The following PRMT6 variants were observed in gnomAD, a reference collection of about 807,000 sequenced individuals.
The protein encoded by PRMT6 is protein arginine N-methyltransferase 6.
PRMT6 carries 23 observed loss-of-function variants against 30.5 expected under a neutral mutation model. The ratio of observed to expected loss-of-function variants is 0.75; its 90% CI spans 0.54 to 1.07. The LOEUF is 1.07. Ranked by LOEUF, PRMT6 falls within the 50% of genes least tolerant of loss-of-function variation. The pLI, the probability that PRMT6 is intolerant of heterozygous loss-of-function variation, is 0.00. For synonymous variants in PRMT6, 265 were observed against 228.0 expected (o/e 1.16, Z -1.46); for missense variants, 528 against 514.3 (o/e 1.03, Z -0.26).
In PRMT6 at chr1:107,057,639, C is replaced by T. The variant is rs759097226; in HGVS notation, c.924C>T (p.Ser308=). 2.5e-6 allele frequency: 4 copies of T among 1,614,196 alleles called. No homozygotes were observed. The highest frequency in any genetic ancestry group is 2.2e-5 in the South Asian group (2 of 91,084). The change falls in exon 1 of 1, where the codon TCC becomes TCT. Residue 308 remains serine, a synonymous_variant. Coordinates refer to ENST00000370078, the MANE Select transcript of PRMT6 (RefSeq NM_018137.3). ...AGTCGGAGAAACCCCTGGTGCTGTCCACCTCGCCTTTTCACCCGGCCACTC... is the reference window on the plus strand; with the variant it reads ...AGTCGGAGAAACCCCTGGTGCTGTCTACCTCGCCTTTTCACCCGGCCACTC... The part of the protein sequence containing the change: ...GGESEKPLVL[S]TSPFHPATHW...
rs1311749571 is a variant in PRMT6 at position 107,057,024 on chromosome 1, CG to C, written c.313del (p.Ala105ProfsTer7). 4 of 1,613,220 alleles carry C rather than the reference CG, an allele frequency of 2.5e-6. No individual in the cohort carries two copies. The highest frequency in any genetic ancestry group is 3.4e-6 in the Non-Finnish European group (4 of 1,179,800). ...TTCTGAGCATCTTCTGTGCCCAGGC[CG>C]GGGCCCGGCGCGTGTACGCGGTAGA... ...GILSIFCAQA[G>X]ARRVYAVEAS... On this transcript the variant is annotated frameshift_variant, in exon 1 of 1. Transcript: ENST00000370078. LOFTEE classifies it high-confidence loss of function.
At position 107,057,192 on chromosome 1, in the gene PRMT6, C is replaced by T. The variant is rs1223552920; in HGVS notation, c.477C>T (p.Tyr159=). The change falls in exon 1 of 1, where the codon TAC becomes TAT. Residue 159 remains tyrosine, a synonymous_variant. Coordinates refer to ENST00000370078, the MANE Select transcript of PRMT6 (RefSeq NM_018137.3). ...CCATCGTGAGCGAGTGGATGGGCTA[C>T]GGACTCCTGCACGAGTCCATGCTGA... is the stretch of plus-strand genomic sequence containing the variant. ...VDAIVSEWMG[Y]GLLHESMLSS... 1.2e-6 allele frequency: 2 copies of T among 1,612,058 alleles called. No homozygotes were observed. Among genetic ancestry groups the T allele is most frequent in the Non-Finnish European group, 8.5e-7 (1 of 1,180,026 alleles).
At position 107,058,632 on chromosome 1, in the gene PRMT6, T is replaced by C. The variant is rs1651784871; in HGVS notation, c.*789T>C. 6.0e-6 allele frequency: 1 copy of C among 167,108 alleles called. No homozygotes were observed. The highest frequency in any genetic ancestry group is 2.4e-5 in the African/African-American group (1 of 41,454). 10.4% of individuals were successfully genotyped at this position (167,108 alleles called of 1,614,324 possible). ...TACTATTATAACCAAAAAATATTTC[T>C]TGTATGTCCCATAAAAATATTTGTG... is the stretch of plus-strand genomic sequence containing the variant. On this transcript the variant is annotated 3_prime_UTR_variant, in exon 1 of 1. Transcript: ENST00000370078.
Position 107,057,152 on chromosome 1 carries a change from C to T in PRMT6, c.437C>T (p.Pro146Leu), listed in dbSNP as rs771645245. The stretch of plus-strand genomic sequence containing the variant: ...GGACCAGTGGAGACTGTAGAGTTGC[C>T]GGAACAGGTGGATGCCATCGTGAGC... The part of the protein sequence containing the change: ...LPGPVETVEL[P>L]EQVDAIVSEW... Residue 146 changes from proline (P) to leucine (L), a missense_variant, in exon 1 of 1, where the codon CCG becomes CTG. Transcript: ENST00000370078. 13 of 1,608,228 alleles carry T rather than the reference C, an allele frequency of 8.1e-6. No individual in the cohort carries two copies. Among genetic ancestry groups the T allele is most frequent in the South Asian group, 5.5e-5 (5 of 91,078 alleles).
Position 107,057,720 on chromosome 1 carries a change from G to A in PRMT6, c.1005G>A (p.Thr335=), listed in dbSNP as rs937483571. The A allele has an allele frequency of 1.2e-6, 2 of 1,614,234 alleles. No homozygotes were observed. The highest frequency in any genetic ancestry group is 1.7e-5 in the Admixed American group (1 of 60,030). ...LNEPVQVEQD[T]DVSGEITLLP... is the part of the protein sequence containing the mutation. Reference sequence around the variant, plus strand: ...AGCCGGTGCAAGTGGAGCAAGACACGGACGTTTCAGGAGAGATCACGCTGC... The same window carrying A: ...AGCCGGTGCAAGTGGAGCAAGACACAGACGTTTCAGGAGAGATCACGCTGC... Residue 335 remains threonine, a synonymous_variant, in exon 1 of 1, where the codon ACG becomes ACA. Transcript: ENST00000370078.
Position 107,057,154 on chromosome 1 carries a change from G to T in PRMT6, c.439G>T (p.Glu147Ter), listed in dbSNP as rs959996388. The change falls in exon 1 of 1, where the codon GAA becomes TAA. Residue 147 changes from glutamate (E) to a stop codon, truncating the protein, a stop_gained. Coordinates refer to ENST00000370078, the MANE Select transcript of PRMT6 (RefSeq NM_018137.3). LOFTEE classifies it high-confidence loss of function. ...ACCAGTGGAGACTGTAGAGTTGCCG[G>T]AACAGGTGGATGCCATCGTGAGCGA... ...PGPVETVELP[E>*]QVDAIVSEWM... 2 of 1,608,474 alleles carry T rather than the reference G, an allele frequency of 1.2e-6. No homozygotes were observed. Among genetic ancestry groups the T allele is most frequent in the East Asian group, 2.2e-5 (1 of 44,852 alleles).
rs769934204 is a variant in PRMT6 at position 107,057,542 on chromosome 1, G to A, written c.827G>A (p.Arg276His). ...GAGGCCGGAGTGGGCGGGCGCTTCC[G>A]CTGCAGCTGCTATGGCTCGGCGCCC... ...ELEAGVGGRF[R>H]CSCYGSAPMH... The change falls in exon 1 of 1, where the codon CGC (arginine) becomes CAC (histidine). Residue 276 changes from arginine (R) to histidine (H), a missense_variant. Physicochemically the swap from Arg to His is conservative, Grantham distance 29 (BLOSUM62 0). Coordinates refer to ENST00000370078, the MANE Select transcript of PRMT6 (RefSeq NM_018137.3). 5.6e-6 allele frequency: 9 copies of A among 1,613,732 alleles called. No individual in the cohort carries two copies. Among genetic ancestry groups the A allele is most frequent in the South Asian group, 3.3e-5 (3 of 91,074 alleles).
In PRMT6 at chr1:107,057,925, G is replaced by T. The variant is rs1039437660; in HGVS notation, c.*82G>T. The T allele has an allele frequency of 2.0e-6, 3 of 1,534,594 alleles. No individual in the cohort carries two copies. Among genetic ancestry groups the T allele is most frequent in the African/African-American group, 2.8e-5 (2 of 72,670 alleles). ...GTAGCGAGGTCGGAGGGGAAAGGGA[G>T]ATCCCACGTGCAAGTAGGGGGAATA... On this transcript the variant is annotated 3_prime_UTR_variant, in exon 1 of 1. Transcript: ENST00000370078.
In PRMT6 at chr1:107,057,965, C is replaced by G. The variant is rs1449001335; in HGVS notation, c.*122C>G. The G allele has an allele frequency of 2.3e-6, 3 of 1,315,468 alleles. No individual in the cohort carries two copies. Among genetic ancestry groups the G allele is most frequent in the Non-Finnish European group, 3.2e-6 (3 of 937,302 alleles). 81.5% of individuals were successfully genotyped at this position (1,315,468 alleles called of 1,614,324 possible). On this transcript the variant is annotated 3_prime_UTR_variant, in exon 1 of 1. Transcript: ENST00000370078. ...TAGGGGGAATATCTCCCCCTTTTCC[C>G]TCATAGCCTCTAGGGAGGGAGAGTG...
At position 107,057,493 on chromosome 1, in the gene PRMT6, C is replaced by T; in HGVS notation, c.778C>T (p.Arg260Cys). Residue 260 changes from arginine to cysteine, a missense_variant, in exon 1 of 1, where the codon CGC becomes TGC. Transcript: ENST00000370078. ...PQRFAQLELS[R>C]AGLEQELEAG... ...GCGCTTTGCTCAGCTAGAGCTCTCC[C>T]GCGCCGGCTTGGAGCAGGAGCTGGA... 10 of 1,613,144 alleles carry T rather than the reference C, an allele frequency of 6.2e-6. No homozygotes were observed. Among genetic ancestry groups the T allele is most frequent in the Non-Finnish European group, 8.5e-6 (10 of 1,179,714 alleles).
rs764868351 is a variant in PRMT6, at chr1:107,057,647, C to T, written c.932C>T (p.Pro311Leu). The T allele has an allele frequency of 3.1e-6, 5 of 1,614,104 alleles. No individual in the cohort carries two copies. The highest frequency in any genetic ancestry group is 2.2e-5 in the East Asian group (1 of 44,884). Reference protein sequence around the residue: ...SEKPLVLSTSPFHPATHWKQA... With the variant: ...SEKPLVLSTSLFHPATHWKQA... ...AAACCCCTGGTGCTGTCCACCTCGC[C>T]TTTTCACCCGGCCACTCACTGGAAA... The change falls in exon 1 of 1, where the codon CCT (proline) becomes CTT (leucine). Residue 311 changes from proline to leucine, a missense_variant. By Grantham distance (98) the Pro-to-Leu change is moderately conservative (BLOSUM62 -3). Transcript: ENST00000370078.
chr1:107,057,801 A>G lies in PRMT6; in HGVS notation c.1086A>G (p.Gly362=), dbSNP rs990057019. 7 of 1,605,300 alleles carry G rather than the reference A, an allele frequency of 4.4e-6. No individual in the cohort carries two copies. Among genetic ancestry groups the G allele is most frequent in the Non-Finnish European group, 6.0e-6 (7 of 1,175,576 alleles). The part of the protein sequence containing the change: ...RLRVLLRYKV[G]DQEEKTKDFA... ...GCGTGCTGCTGCGCTACAAAGTGGG[A>G]GACCAGGAGGAGAAGACCAAAGACT... The change falls in exon 1 of 1, where the codon GGA becomes GGG. Residue 362 remains glycine (G), a synonymous_variant. Transcript: ENST00000370078.
In PRMT6 at chr1:107,058,285, G is replaced by T. The variant is rs747947955; in HGVS notation, c.*442G>T. ...TTCATACATTTCCAGTACGACTTTA[G>T]TATCTCTCCAGAGCCATATTTTCTC... On this transcript the variant is annotated 3_prime_UTR_variant, in exon 1 of 1. Transcript: ENST00000370078. 94 of 254,216 alleles carry T rather than the reference G, an allele frequency of 3.7e-4. No homozygotes were observed. Among genetic ancestry groups the T allele is most frequent in the Non-Finnish European group, 3.8e-4 (46 of 120,986 alleles). 15.7% of individuals were successfully genotyped at this position (254,216 alleles called of 1,614,324 possible).
chr1:107,057,944 G>A lies in PRMT6; in HGVS notation c.*101G>A. 6.8e-7 allele frequency: 1 copy of A among 1,471,830 alleles called. No homozygotes were observed. The highest frequency in any genetic ancestry group is 1.4e-5 in the African/African-American group (1 of 71,500). 91.2% of individuals were successfully genotyped at this position (1,471,830 alleles called of 1,614,324 possible). A position where few individuals can be genotyped will look rare whatever the true frequency, so the allele number is the denominator to read the frequency against. ...AAGGGAGATCCCACGTGCAAGTAGG[G>A]GGAATATCTCCCCCTTTTCCCTCAT... On this transcript the variant is annotated 3_prime_UTR_variant, in exon 1 of 1. Transcript: ENST00000370078.
In PRMT6 at chr1:107,058,611, A is replaced by G. The variant is rs1482920003; in HGVS notation, c.*768A>G. 1 of 167,118 alleles carries G rather than the reference A, an allele frequency of 6.0e-6. No individual in the cohort carries two copies. The highest frequency in any genetic ancestry group is 1.9e-4 in the East Asian group (1 of 5,206). 10.4% of individuals were successfully genotyped at this position (167,118 alleles called of 1,614,324 possible). On this transcript the variant is annotated 3_prime_UTR_variant, in exon 1 of 1. Transcript: ENST00000370078. ...ATTTTTAAAAATTCTTGTCTCTACT[A>G]TTATAACCAAAAAATATTTCTTGTA...
Position 107,057,042 on chromosome 1 carries a change from C to T in PRMT6, c.327C>T (p.Tyr109=). 6.2e-7 allele frequency: 1 copy of T among 1,612,788 alleles called. No individual in the cohort carries two copies. Among genetic ancestry groups the T allele is most frequent in the Non-Finnish European group, 8.5e-7 (1 of 1,179,772 alleles). ...CCCAGGCCGGGGCCCGGCGCGTGTA[C>T]GCGGTAGAGGCCAGCGCCATCTGGC... ...FCAQAGARRV[Y]AVEASAIWQQ... The change falls in exon 1 of 1, where the codon TAC becomes TAT. Residue 109 remains tyrosine, a synonymous_variant. Coordinates refer to ENST00000370078, the MANE Select transcript of PRMT6 (RefSeq NM_018137.3).
In PRMT6 at chr1:107,057,106, G is replaced by T; in HGVS notation, c.391G>T (p.Asp131Tyr). ...GGTGGTGCGGTTCAACGGGCTGGAG[G>T]ACCGGGTGCACGTCCTGCCGGGACC... ...REVVRFNGLE[D>Y]RVHVLPGPVE... Residue 131 changes from aspartate to tyrosine, a missense_variant, in exon 1 of 1, where the codon GAC becomes TAC. Physicochemically the swap from Asp to Tyr is radical, Grantham distance 160. Coordinates refer to ENST00000370078, the MANE Select transcript of PRMT6 (RefSeq NM_018137.3). 1.9e-6 allele frequency: 3 copies of T among 1,607,594 alleles called. No homozygotes were observed. Among genetic ancestry groups the T allele is most frequent in the Non-Finnish European group, 2.5e-6 (3 of 1,179,782 alleles).
rs1651747521 is a variant in PRMT6 at position 107,057,301 on chromosome 1, A to G, written c.586A>G (p.Ile196Val). Residue 196 changes from isoleucine (I) to valine (V), a missense_variant, in exon 1 of 1, where the codon ATC becomes GTC. Transcript: ENST00000370078. ...PASAELFIAP[I>V]SDQMLEWRLG... ...CTCCGCCGAGCTCTTCATAGCCCCCATCAGCGACCAGATGCTGGAATGGCG... is the reference window on the plus strand; with the variant it reads ...CTCCGCCGAGCTCTTCATAGCCCCCGTCAGCGACCAGATGCTGGAATGGCG... 1 of 1,613,908 alleles carries G rather than the reference A, an allele frequency of 6.2e-7. No homozygotes were observed. Among genetic ancestry groups the G allele is most frequent in the South Asian group, 1.1e-5 (1 of 91,090 alleles).
Position 107,058,127 on chromosome 1 carries a change from A to T in PRMT6, c.*284A>T, listed in dbSNP as rs1651774497. On this transcript the variant is annotated 3_prime_UTR_variant, in exon 1 of 1. Transcript: ENST00000370078. ...TAGTACCAAGCACTTGTATTTCCGT[A>T]TATTTTGTTTCGCGGGGGAGTGAGG... 2 of 490,324 alleles carry T rather than the reference A, an allele frequency of 4.1e-6. No homozygotes were observed. Among genetic ancestry groups the T allele is most frequent in the Admixed American group, 7.0e-5 (2 of 28,746 alleles). The allele number at this position is 490,324 out of a possible 1,614,324, so 30.4% of individuals were successfully genotyped here.
Sources: gnomAD v4.1 joint callset for allele counts on GRCh38, gnomAD v4.1.1 for gene constraint, MANE v1.5 for transcripts, NCBI Gene and HGNC (gene_info 2026-07-23, HGNC 2026-07-21) for gene names.